Variants in PPARD observed in about 807,000 individuals in gnomAD.
The protein encoded by PPARD is peroxisome proliferator-activated receptor delta.
In PPARD, 6 loss-of-function variants were observed where a neutral mutation model predicts 39.5. The ratio of observed to expected loss-of-function variants is 0.15; its 90% CI spans 0.08 to 0.30. The LOEUF (loss-of-function observed/expected upper bound fraction) is 0.30. Among genes scored for constraint, PPARD ranks in the 10% least tolerant of loss-of-function variants. The pLI is 1.00. For missense variants in PPARD, 397 were observed against 596.8 expected, an observed-to-expected ratio of 0.67 and a Z score of 3.49; for synonymous variants, 210 against 231.3, an observed-to-expected ratio of 0.91 and a Z score of 0.83.
intron 2 of PPARD, among the ~76,000 whole-genome samples, chr6:35,409,361 C>G (rs1474421159): frequency 2.0e-5 from 3 of 151,920 alleles, no homozygotes; most frequent in Non-Finnish European, 4.4e-5. Flanking sequence ...CAGAAATTAG[C>G]TGGTGTGGTA....
At chr6:35,421,309 G>GT (rs111495656) in intron 4 of PPARD, among the ~76,000 whole-genome samples, 70 of 75,012 alleles carry the variant, frequency 9.3e-4, no homozygotes, top group Middle Eastern at 0.013. Context: ...AAATAGTTGT[G>GT]TTTTTTTTTT....
At chr6:35,391,350 T>A (rs1156497434) in intron 2 of PPARD, among the ~76,000 whole-genome samples, 1 of 152,262 alleles carries the variant, frequency 6.6e-6, no homozygotes, top group Non-Finnish European at 1.5e-5. Context: ...GCTAACAGTT[T>A]GGCGCATTTG....
intron 2 of PPARD, among the ~76,000 whole-genome samples, chr6:35,373,117 C>G (rs6913026): frequency 0.028 from 4,234 of 152,198 alleles, 166 homozygotes; most frequent in African/African-American, 0.082. Context: ...AGCTAGTTCC[C>G]TGGAGCCCTT....
At chr6:35,395,100 G>A (rs1562203296) in intron 2 of PPARD, among the ~76,000 whole-genome samples, 1 of 152,156 alleles carries the variant, frequency 6.6e-6, no homozygotes, top group African/African-American at 2.4e-5. Flanking sequence ...GACAGAGAGG[G>A]GGGTGCCAGG....
chr6:35,383,251 G>A (rs1250855450), intron 2 of PPARD, among the ~76,000 whole-genome samples: 3 of 152,168 alleles, frequency 2.0e-5, no homozygotes, highest in Admixed American at 6.5e-5. Flanking sequence ...CACTAGAGGT[G>A]GAGCAGTTGG....
At chr6:35,399,178 G>A (rs1322162491) in intron 2 of PPARD, among the ~76,000 whole-genome samples, 6 of 152,090 alleles carry the variant, frequency 3.9e-5, no homozygotes, top group African/African-American at 1.4e-4. Flanking sequence ...CGAGGTAGGC[G>A]GATAACTTGA....
rs1491519773 is a variant in PPARD at position 35,404,952 on chromosome 6, T to TG, written c.-101-6035_-101-6034insG. Among the ~76,000 whole-genome samples the TG allele has an allele frequency of 3.4e-3, 406 of 118,920 alleles. 12 individuals are homozygous for TG. In the Admixed American group the frequency reaches 0.036, roughly 10 times the overall value. The allele number at this position is 118,920 out of a possible 152,430, so 78.0% of individuals were successfully genotyped here. On this transcript the variant is annotated intron_variant, in intron 2 of 7. Transcript: ENST00000360694. Reference sequence around the variant, plus strand: ...TGGGGGCTGCATGTGCACTGCAGGCTTTGTGTGTGTGTGTGTGTGTGTGTG... The same window carrying TG: ...TGGGGGCTGCATGTGCACTGCAGGCTGTTGTGTGTGTGTGTGTGTGTGTGTG...
In PPARD at chr6:35,421,952, C is replaced by A; in HGVS notation, c.418C>A (p.His140Asn). The part of the protein sequence containing the change: ...FQKCLALGMS[H>N]NAIRFGRMPE... Reference sequence around the variant, plus strand: ...GAAGTGCCTGGCACTGGGCATGTCACACAACGGTGAGAGCTGACCAGGGCA... The same window carrying A: ...GAAGTGCCTGGCACTGGGCATGTCAAACAACGGTGAGAGCTGACCAGGGCA... The change falls in exon 5 of 8, where the codon CAC becomes AAC. Residue 140 changes from histidine (H) to asparagine (N), a missense_variant. His to Asn is a moderately conservative substitution (Grantham distance 68). Transcript: ENST00000360694. 1 of 1,610,954 alleles carries A rather than the reference C, an allele frequency of 6.2e-7. No homozygotes were observed. Among genetic ancestry groups the A allele is most frequent in the Non-Finnish European group, 8.5e-7 (1 of 1,178,288 alleles).
chr6:35,403,022 G>T (rs1048357275), intron 2 of PPARD, among the ~76,000 whole-genome samples: 1 of 152,178 alleles, frequency 6.6e-6, no homozygotes, highest in Non-Finnish European at 1.5e-5. Context: ...CATGTGGGGC[G>T]AGAAGGGGAG....
intron 3 of PPARD, among the ~76,000 whole-genome samples, chr6:35,417,625 G>A (rs190953386): frequency 3.3e-4 from 50 of 151,356 alleles, no homozygotes; most frequent in African/African-American, 1.0e-3. Context: ...CCCTGCCCCC[G>A]GGTTCAAGTG....
At chr6:35,371,527 C>G (rs1019275514) in intron 2 of PPARD, among the ~76,000 whole-genome samples, 3 of 152,116 alleles carry the variant, frequency 2.0e-5, no homozygotes, top group African/African-American at 7.2e-5. Context: ...CTTTGCATAT[C>G]CCCTTTCTGT....
At chr6:35,377,627 C>G (rs1372716344) in intron 2 of PPARD, among the ~76,000 whole-genome samples, 1 of 152,210 alleles carries the variant, frequency 6.6e-6, no homozygotes, top group African/African-American at 2.4e-5. Flanking sequence ...GCTTTCTCAT[C>G]TGTAAAATGG....
intron 2 of PPARD, among the ~76,000 whole-genome samples, chr6:35,393,427 C>G (rs1161782268): frequency 1.3e-5 from 2 of 152,164 alleles, no homozygotes; most frequent in East Asian, 3.9e-4. Context: ...CTAACATGAC[C>G]TGGCGTGTGA....
rs1484511097 is a variant in PPARD, at chr6:35,416,964, CTTGTTTATTTAT to C, written c.131-3148_131-3137del. 1.3e-4 allele frequency among the ~76,000 whole-genome samples: 19 copies of C among 151,238 alleles called. No homozygotes were observed. The South Asian group carries it at 3.8e-3, about 30-fold the overall frequency. ...TTACACCTTACCTTTCCTTGTTTTT[CTTGTTTATTTAT>C]TTGTTTATTTATTTTTTTGAGACAA... is the stretch of plus-strand genomic sequence containing the variant. On this transcript the variant is annotated intron_variant, in intron 3 of 7. Transcript: ENST00000360694.
rs191767461 is a variant in PPARD at position 35,414,492 on chromosome 6, G to C, written c.130+3275G>C. On this transcript the variant is annotated intron_variant, in intron 3 of 7. Transcript: ENST00000360694. ...TGGCAGGTGAGGGGCCCTGGAGACA[G>C]AGCCTGATCATGTGTCCAGAGCAGA... is the stretch of plus-strand genomic sequence containing the variant. 3.1e-3 allele frequency among the ~76,000 whole-genome samples: 471 copies of C among 152,284 alleles called. 5 individuals are homozygous for C. Among genetic ancestry groups the C allele is most frequent in the African/African-American group, 0.011 (436 of 41,520 alleles).
intron 2 of PPARD, among the ~76,000 whole-genome samples, chr6:35,396,778 C>T (rs190969214): frequency 1.3e-5 from 2 of 151,800 alleles, no homozygotes; most frequent in Admixed American, 1.3e-4. Context: ...TGCAGTGAGC[C>T]GAGATTGCAC....
At chr6:35,367,539 CAG>C (rs968442066) in intron 2 of PPARD, among the ~76,000 whole-genome samples, 4 of 152,192 alleles carry the variant, frequency 2.6e-5, no homozygotes, top group African/African-American at 9.7e-5. Flanking sequence ...CAAGGAGAAA[CAG>C]TGTTTCAGTT....
chr6:35,388,847 T>C (rs1309845764), intron 2 of PPARD, among the ~76,000 whole-genome samples: 2 of 152,160 alleles, frequency 1.3e-5, no homozygotes, highest in Non-Finnish European at 2.9e-5. Flanking sequence ...CACCACCTGG[T>C]CTAATCATTG....
intron 2 of PPARD, among the ~76,000 whole-genome samples, chr6:35,409,271 A>G (rs1765267680): frequency 1.3e-5 from 2 of 152,096 alleles, no homozygotes; most frequent in South Asian, 4.1e-4. Flanking sequence ...TTGGTAGGCC[A>G]AGGTGGGCAG....
Sources: gnomAD v4.1 joint callset for allele counts (sites outside exome capture counted in the v4.1 genomes callset) on GRCh38, gnomAD v4.1.1 for gene constraint, MANE v1.5 for transcripts, NCBI Gene and HGNC (gene_info 2026-07-23, HGNC 2026-07-21) for gene names.